UBE2W: variants seen among roughly 807,000 people sequenced by gnomAD.
UBE2W encodes the protein ubiquitin conjugating enzyme E2 W, also known as ubiquitin-conjugating enzyme E2 W.
A neutral mutation model predicts 27.2 loss-of-function variants in UBE2W; 18 were observed. The ratio of observed to expected loss-of-function variants is 0.66; its 90% confidence interval spans 0.46 to 0.98. The LOEUF is 0.98. Ranked by LOEUF, UBE2W falls within the 50% of genes least tolerant of loss-of-function variation. The probability of loss-of-function intolerance (pLI) is 0.00; values close to 1 mark genes in which losing one functional copy is unlikely to be tolerated. For synonymous variants in UBE2W, 53 were observed against 57.2 expected, an observed-to-expected ratio of 0.93 and a Z score of 0.33; for missense variants, 90 against 180.2, an observed-to-expected ratio of 0.50 and a Z score of 2.87.
intron 5 of UBE2W, among the ~76,000 whole-genome samples, chr8:73,799,028 G>C (rs1012312334): frequency 4.6e-5 from 7 of 151,838 alleles, no homozygotes; most frequent in Admixed American, 3.9e-4. Flanking sequence ...GAATAAATTT[G>C]CATTTCAAAG....
At chr8:73,856,310 AC>A (rs1205795144) in intron 1 of UBE2W, among the ~76,000 whole-genome samples, 1 of 147,850 alleles carries the variant, frequency 6.8e-6, no homozygotes, top group Non-Finnish European at 1.5e-5. Flanking sequence ...CCCACTTTCT[AC>A]CTTTAAACAC....
At chr8:73,836,587 T>C (rs1350942722) in intron 1 of UBE2W, among the ~76,000 whole-genome samples, 2 of 152,128 alleles carry the variant, frequency 1.3e-5, no homozygotes, top group African/African-American at 4.8e-5. Flanking sequence ...TGAAAGAAAA[T>C]GATTTAAAGA....
chr8:73,791,789 A>G lies in UBE2W; in HGVS notation c.*2313T>C, dbSNP rs953198522. The stretch of plus-strand genomic sequence containing the variant: ...CATCTTATTTTCTACTCTTTAAACC[A>G]TAAGATGTACCGAAATTATTTCATT... On this transcript the variant is annotated 3_prime_UTR_variant, in exon 6 of 6. Transcript: ENST00000602593. 5 of 984,844 alleles carry G rather than the reference A, an allele frequency of 5.1e-6. No homozygotes were observed. Among genetic ancestry groups the G allele is most frequent in the African/African-American group, 1.7e-5 (1 of 57,328 alleles). The allele number at this position is 984,844 out of a possible 1,614,324, so 61.0% of individuals were successfully genotyped here.
rs1297112907 is a variant in UBE2W, at chr8:73,790,581, A to G, written c.*3521T>C. 4.1e-6 allele frequency: 4 copies of G among 984,918 alleles called. No individual in the cohort carries two copies. The highest frequency in any genetic ancestry group is 4.8e-6 in the Non-Finnish European group (4 of 829,556). The allele number at this position is 984,918 out of a possible 1,614,324, so 61.0% of individuals were successfully genotyped here. On this transcript the variant is annotated 3_prime_UTR_variant, in exon 6 of 6. Coordinates refer to ENST00000602593, the MANE Select transcript of UBE2W (RefSeq NM_018299.6). Reference sequence around the variant, plus strand: ...ATTAATGAAAGTGAGATCAAGAAATATAAGCAGCAGTAACCATAAAGGCTT... The same window carrying G: ...ATTAATGAAAGTGAGATCAAGAAATGTAAGCAGCAGTAACCATAAAGGCTT...
rs567809258 is a variant in UBE2W at position 73,830,231 on chromosome 8, T to C, written c.107+150A>G. ...GCCGTAAAACAAAATTGATTATATA[T>C]ATAAATGCACAGAATAAGATCTGTT... On this transcript the variant is annotated intron_variant, in intron 2 of 5. Transcript: ENST00000602593. The C allele has an allele frequency of 5.6e-6, 3 of 533,888 alleles. No individual in the cohort carries two copies. In the African/African-American group the frequency reaches 5.9e-5, roughly 10 times the overall value. The allele number at this position is 533,888 out of a possible 1,614,324, so 33.1% of individuals were successfully genotyped here.
At chr8:73,835,025 A>G (rs1810249157) in intron 1 of UBE2W, among the ~76,000 whole-genome samples, 2 of 152,206 alleles carry the variant, frequency 1.3e-5, no homozygotes, top group South Asian at 4.1e-4. Flanking sequence ...TTTGGGAAAC[A>G]CTGCTGCAGA....
rs1212819565 is a variant in UBE2W, at chr8:73,873,655, C to A, written c.15+5153G>T. Among the ~76,000 whole-genome samples the A allele has an allele frequency of 2.0e-5, 3 of 151,990 alleles. No individual in the cohort carries two copies. In the East Asian group the frequency reaches 5.8e-4, roughly 29 times the overall value. On this transcript the variant is annotated intron_variant, in intron 1 of 5. Coordinates refer to ENST00000602593, the MANE Select transcript of UBE2W (RefSeq NM_018299.6). ...TGGGTGACAGAGTGAGACCCTGTCT[C>A]AGAGAGAAAAAATTTTAAAAGCTGT...
intron 1 of UBE2W, among the ~76,000 whole-genome samples, chr8:73,873,342 C>A (rs916657732): frequency 6.6e-6 from 1 of 152,160 alleles, no homozygotes; most frequent in Non-Finnish European, 1.5e-5. Flanking sequence ...CTCTCTCAAT[C>A]ACTATAGCCA....
chr8:73,811,500 A>G (rs1362053839), intron 3 of UBE2W, among the ~76,000 whole-genome samples: 1 of 152,166 alleles, frequency 6.6e-6, no homozygotes, highest in Non-Finnish European at 1.5e-5. Context: ...TCTTATGTTT[A>G]CACTGTGTAC....
chr8:73,844,978 C>G (rs926809690), intron 1 of UBE2W, among the ~76,000 whole-genome samples: 3 of 147,094 alleles, frequency 2.0e-5, no homozygotes, highest in Non-Finnish European at 4.5e-5. Context: ...AAGCGAGGAG[C>G]GTCTCCGCCC....
At chr8:73,867,284 C>T (rs1811817343) in intron 1 of UBE2W, among the ~76,000 whole-genome samples, 1 of 152,198 alleles carries the variant, frequency 6.6e-6, no homozygotes, top group South Asian at 2.1e-4. Flanking sequence ...CGCCTGTAAT[C>T]CCAGCACTTT....
chr8:73,783,414 C>T (rs540902471), downstream of UBE2W, among the ~76,000 whole-genome samples: 18 of 152,260 alleles, frequency 1.2e-4, no homozygotes, highest in African/African-American at 4.1e-4. Context: ...TTTTTGCATA[C>T]GGCTTTCCAA....
At chr8:73,820,004 G>C (rs1438770348) in intron 3 of UBE2W, among the ~76,000 whole-genome samples, 1 of 152,108 alleles carries the variant, frequency 6.6e-6, no homozygotes, top group East Asian at 1.9e-4. Flanking sequence ...ATTAGAGATG[G>C]GGTTGCCCTA....
At chr8:73,843,861 C>T (rs1810650251) in intron 1 of UBE2W, among the ~76,000 whole-genome samples, 1 of 151,330 alleles carries the variant, frequency 6.6e-6, no homozygotes, top group Non-Finnish European at 1.5e-5. Context: ...TGGTGGTGCA[C>T]ACCTGTGGTC....
At chr8:73,877,091 T>TACA (rs969823714) in intron 1 of UBE2W, among the ~76,000 whole-genome samples, 2 of 152,216 alleles carry the variant, frequency 1.3e-5, no homozygotes, top group African/African-American at 2.4e-5. Flanking sequence ...TCTTGTCAAA[T>TACA]ACAAGTGTTG....
In UBE2W at chr8:73,812,288, C is replaced by T. The variant is rs186068753; in HGVS notation, c.211-1659G>A. Among the ~76,000 whole-genome samples, 210 of 151,204 alleles carry T rather than the reference C, an allele frequency of 1.4e-3. 1 individual carries two copies. Among genetic ancestry groups the T allele is most frequent in the African/African-American group, 4.8e-3 (197 of 41,276 alleles). On this transcript the variant is annotated intron_variant, in intron 3 of 5. Coordinates refer to ENST00000602593, the MANE Select transcript of UBE2W (RefSeq NM_018299.6). ...AAATAAGAGAAATCAAGTCACTTAT[C>T]CTACCTAATTGCAGAAGACTCCCTG...
intron 3 of UBE2W, among the ~76,000 whole-genome samples, chr8:73,823,881 TAAGAA>T (rs1054434507): frequency 4.6e-5 from 7 of 152,212 alleles, no homozygotes; most frequent in African/African-American, 1.7e-4. Flanking sequence ...CTTACATAAC[TAAGAA>T]AAGATTAAGC....
chr8:73,783,037 GTGTT>G (rs1807870915), downstream of UBE2W, among the ~76,000 whole-genome samples: 2 of 152,226 alleles, frequency 1.3e-5, no homozygotes, highest in Middle Eastern at 3.4e-3. Context: ...AGCATTCCAC[GTGTT>G]TGTTTGCCAT....
At position 73,786,928 on chromosome 8, in the gene UBE2W, T is replaced by C. The variant is rs1392303968; in HGVS notation, c.*7174A>G. ...GGTATGGAAACATAAAATTTTAATG[T>C]TGAATTGGCTATCTGCAGGATACAG... On this transcript the variant is annotated 3_prime_UTR_variant, in exon 6 of 6. Transcript: ENST00000602593. The C allele has an allele frequency of 7.1e-6, 7 of 985,456 alleles. No individual in the cohort carries two copies. Among genetic ancestry groups the C allele is most frequent in the Non-Finnish European group, 8.4e-6 (7 of 829,944 alleles). The allele number at this position is 985,456 out of a possible 1,614,324, so 61.0% of individuals were successfully genotyped here. A position where few individuals can be genotyped will look rare whatever the true frequency, so the allele number is the denominator to read the frequency against.
Sources: allele counts gnomAD v4.1 joint callset (sites outside exome capture counted in the v4.1 genomes callset), GRCh38; gene constraint gnomAD v4.1.1; transcripts MANE v1.5; gene names NCBI Gene and HGNC (gene_info 2026-07-23, HGNC 2026-07-21).